Variants in PHEX observed in about 807,000 individuals in gnomAD.
PHEX encodes phosphate regulating endopeptidase X-linked, also known as phosphate-regulating neutral endopeptidase PHEX.
A neutral mutation model predicts 68.0 loss-of-function variants in PHEX; 16 were observed. The ratio of observed to expected loss-of-function variants is 0.24; its 90% CI spans 0.16 to 0.36. The LOEUF (loss-of-function observed/expected upper bound fraction) is 0.36. Among genes scored for constraint, PHEX ranks in the 10% least tolerant of loss-of-function variants. The pLI is 1.00. For missense variants in PHEX, 480 were observed against 575.5 expected, an observed-to-expected ratio of 0.83 and a Z score of 1.70; for synonymous variants, 208 against 205.1, an observed-to-expected ratio of 1.01 and a Z score of -0.12.
At chrX:22,218,530 G>A in intron 16 of PHEX, among the ~76,000 whole-genome samples, 1 of 112,039 alleles carries the variant, frequency 8.9e-6, no homozygotes, top group Non-Finnish European at 1.9e-5. Flanking sequence ...GACTACCTTT[G>A]AAAATAGAGT....
chrX:22,095,147 T>C (rs1930077931), intron 7 of PHEX, among the ~76,000 whole-genome samples: 1 of 111,328 alleles, frequency 9.0e-6, no homozygotes. Flanking sequence ...CTCTCTCTCT[T>C]TGCCGTGGTG....
chrX:22,076,519 C>T (rs1035924741), intron 4 of PHEX, 45 bp downstream of exon 4: 6 of 798,602 alleles, frequency 7.5e-6, no homozygotes, highest in Admixed American at 6.9e-5. Flanking sequence ...CATCCCTATC[C>T]TTTAGAGTTC....
At chrX:22,093,664 A>G (rs1035490228) in intron 6 of PHEX, among the ~76,000 whole-genome samples, 1 of 111,949 alleles carries the variant, frequency 8.9e-6, no homozygotes, top group African/African-American at 3.2e-5. Flanking sequence ...CTGACCTTTA[A>G]CTTTCTATTC....
chrX:22,202,535 C>G (rs1224484290), intron 15 of PHEX, among the ~76,000 whole-genome samples: 1 of 112,161 alleles, frequency 8.9e-6, no homozygotes, highest in Non-Finnish European at 1.9e-5. Flanking sequence ...TGAGTTGCAT[C>G]TTAAAGATAC....
chrX:22,099,734 A>C (rs1024304824), intron 9 of PHEX, among the ~76,000 whole-genome samples: 1 of 112,161 alleles, frequency 8.9e-6, no homozygotes, highest in Non-Finnish European at 1.9e-5. Context: ...TATTCCAGGA[A>C]GGAGAATTTT....
intron 15 of PHEX, among the ~76,000 whole-genome samples, chrX:22,200,326 A>C (rs933543154): frequency 8.9e-6 from 1 of 112,404 alleles, no homozygotes; most frequent in Non-Finnish European, 1.9e-5. Context: ...GTCACGTGAT[A>C]GGCTGGGTGC....
chrX:22,046,413 G>T (rs1927529649), intron 2 of PHEX, among the ~76,000 whole-genome samples: 1 of 111,468 alleles, frequency 9.0e-6, no homozygotes, highest in South Asian at 3.7e-4. Context: ...CTTTGCAGAA[G>T]GACAAGCAGG....
chrX:22,143,572 C>T (rs572022400), intron 12 of PHEX, among the ~76,000 whole-genome samples: 15 of 112,369 alleles, frequency 1.3e-4, no homozygotes, highest in Middle Eastern at 9.2e-3. Context: ...TCTCCATTCC[C>T]CACTCCCCCA....
chrX:22,041,297 A>G (rs1261922418), intron 2 of PHEX, among the ~76,000 whole-genome samples: 1 of 89,784 alleles, frequency 1.1e-5, no homozygotes, highest in Non-Finnish European at 2.2e-5. Context: ...ATATATATAT[A>G]TATATTTTAA....
At chrX:22,126,118 ATG>A (rs1931709378) in intron 11 of PHEX, among the ~76,000 whole-genome samples, 1 of 112,304 alleles carries the variant, frequency 8.9e-6, no homozygotes, top group South Asian at 3.6e-4. Context: ...CACATGAGAT[ATG>A]AAATCATAAA....
At chrX:22,166,649 T>C (rs941809219) in intron 12 of PHEX, among the ~76,000 whole-genome samples, 5 of 111,336 alleles carry the variant, frequency 4.5e-5, no homozygotes, top group Non-Finnish European at 9.4e-5. Context: ...ACATTTAAAA[T>C]CTACTCCCTT....
chrX:22,118,468 A>G (rs191195960), intron 11 of PHEX, among the ~76,000 whole-genome samples: 131 of 110,539 alleles, frequency 1.2e-3, no homozygotes, highest in African/African-American at 4.0e-3. Flanking sequence ...TTTAATTTTC[A>G]GATCATTGAA....
At chrX:22,229,855 A>G (rs1034895511) in intron 20 of PHEX, among the ~76,000 whole-genome samples, 2 of 112,188 alleles carry the variant, frequency 1.8e-5, no homozygotes, top group African/African-American at 3.2e-5. Flanking sequence ...GTTTTCTTCT[A>G]GGATTTTTAT....
chrX:22,238,693 C>A lies in PHEX; in HGVS notation c.2071-6640C>A, dbSNP rs186250235. 5.4e-5 allele frequency among the ~76,000 whole-genome samples: 6 copies of A among 111,781 alleles called. No homozygotes were observed. The East Asian group carries it at 1.4e-3, about 26-fold the overall frequency. ...AGAGCCCACAGCAGTTCAGCAAGGCCACTGTGACCAGACTGCCTCTCTAGG... is the reference window on the plus strand; with the variant it reads ...AGAGCCCACAGCAGTTCAGCAAGGCAACTGTGACCAGACTGCCTCTCTAGG... On this transcript the variant is annotated intron_variant, in intron 20 of 21. Transcript: ENST00000379374.
intron 15 of PHEX, among the ~76,000 whole-genome samples, chrX:22,211,545 T>C (rs1390769257): frequency 8.9e-6 from 1 of 112,522 alleles, no homozygotes; most frequent in Non-Finnish European, 1.9e-5. Flanking sequence ...ATGTATTTTG[T>C]TCTTACCAGC....
intron 21 of PHEX, among the ~76,000 whole-genome samples, chrX:22,247,011 A>G (rs1936412465): frequency 9.0e-6 from 1 of 111,578 alleles, no homozygotes; most frequent in South Asian, 3.7e-4. Flanking sequence ...CAATGGCAAT[A>G]CCACTTCCAA....
At chrX:22,209,166 C>T (rs188905570) in intron 15 of PHEX, among the ~76,000 whole-genome samples, 6 of 110,967 alleles carry the variant, frequency 5.4e-5, no homozygotes, top group African/African-American at 1.3e-4. Context: ...TCCTGCCGCA[C>T]GTGGTGAACT....
intron 12 of PHEX, among the ~76,000 whole-genome samples, chrX:22,143,759 G>A (rs1365502420): frequency 8.9e-6 from 1 of 112,013 alleles, no homozygotes; most frequent in Admixed American, 9.5e-5. Context: ...TTTAATTGGC[G>A]TCCCCATTGA....
chrX:22,189,633 A>C (rs762053341), intron 14 of PHEX, among the ~76,000 whole-genome samples: 49 of 112,166 alleles, frequency 4.4e-4, no homozygotes, highest in African/African-American at 1.5e-3. Flanking sequence ...TTTCATCAAT[A>C]AAATTTGTGG....
Sources: allele counts gnomAD v4.1 joint callset (sites outside exome capture counted in the v4.1 genomes callset), GRCh38; gene constraint gnomAD v4.1.1; transcripts MANE v1.5; gene names NCBI Gene and HGNC (gene_info 2026-07-23, HGNC 2026-07-21).